Variants in NAV3 observed in about 807,000 individuals in gnomAD.
NAV3 encodes pore membrane and/or filament interacting like protein 1.
Under a neutral mutation model 244.7 loss-of-function variants are expected in NAV3, and 87 were observed. That is an observed-to-expected ratio of 0.36 (90% CI 0.30 to 0.42). The LOEUF is 0.42. Among genes scored for constraint, NAV3 ranks in the 20% least tolerant of loss-of-function variants. The pLI, the probability that NAV3 is intolerant of heterozygous loss-of-function variation, is 1.00. For missense variants in NAV3, 2,663 were observed against 2,893.3 expected (o/e 0.92, Z 1.83); for synonymous variants, 1,126 against 1,042.2 (o/e 1.08, Z -1.55).
At chr12:77,703,642 A>C (rs539999901) in intron 2 of NAV3, among the ~76,000 whole-genome samples, 2 of 152,256 alleles carry the variant, frequency 1.3e-5, no homozygotes, top group Admixed American at 6.5e-5. Context: ...TCACAAACAA[A>C]CTATGAGGGT....
chr12:78,079,276 AAGACTC>A (rs1953225678), intron 12 of NAV3, among the ~76,000 whole-genome samples: 1 of 152,196 alleles, frequency 6.6e-6, no homozygotes, highest in African/African-American at 2.4e-5. Flanking sequence ...TTTAGATATA[AAGACTC>A]AGATTTATAG....
chr12:77,998,512 A>T, intron 7 of NAV3, 36 bp downstream of exon 7: 2 of 1,567,320 alleles, frequency 1.3e-6, no homozygotes, highest in Non-Finnish European at 1.7e-6. Context: ...CACAAGTCCA[A>T]CATGAGTCTT....
chr12:77,708,997 C>T (rs1441959359), intron 2 of NAV3, among the ~76,000 whole-genome samples: 2 of 152,136 alleles, frequency 1.3e-5, no homozygotes, highest in East Asian at 3.9e-4. Context: ...ACAATCATGT[C>T]ATCTGCAAAC....
chr12:78,123,948 A>T (rs1163189445), intron 16 of NAV3, among the ~76,000 whole-genome samples: 1 of 152,222 alleles, frequency 6.6e-6, no homozygotes, highest in African/African-American at 2.4e-5. Context: ...TAATGAATGA[A>T]TTATATTAAA....
chr12:77,850,250 G>GA (rs1221898278), intron 1 of NAV3, among the ~76,000 whole-genome samples: 4 of 152,166 alleles, frequency 2.6e-5, no homozygotes, highest in Admixed American at 2.6e-4. Context: ...CGTAACTAGT[G>GA]AAATTCCTCT....
At chr12:77,660,780 A>G (rs931961880) in intron 2 of NAV3, among the ~76,000 whole-genome samples, 9 of 152,162 alleles carry the variant, frequency 5.9e-5, no homozygotes, top group African/African-American at 1.2e-4. Context: ...CCAACCAACC[A>G]TGGAACTAGC....
chr12:77,640,511 A>G (rs1179870271), intron 2 of NAV3, among the ~76,000 whole-genome samples: 1 of 152,132 alleles, frequency 6.6e-6, no homozygotes, highest in Non-Finnish European at 1.5e-5. Flanking sequence ...CATATAAGTG[A>G]TATCATACAG....
At chr12:77,649,619 T>C (rs1483680671) in intron 2 of NAV3, among the ~76,000 whole-genome samples, 1 of 152,196 alleles carries the variant, frequency 6.6e-6, no homozygotes, top group African/African-American at 2.4e-5. Flanking sequence ...ATGAAATTCA[T>C]GTTTACTGTA....
intron 1 of NAV3, among the ~76,000 whole-genome samples, chr12:77,838,706 C>T (rs1270014036): frequency 6.6e-6 from 1 of 152,032 alleles, no homozygotes; most frequent in Non-Finnish European, 1.5e-5. Context: ...TTTATGCTAT[C>T]AAATCACCAA....
At chr12:77,598,296 G>A (rs2136755355) in intron 2 of NAV3, among the ~76,000 whole-genome samples, 1 of 152,094 alleles carries the variant, frequency 6.6e-6, no homozygotes, top group Admixed American at 6.6e-5. Context: ...TTGTATGGAT[G>A]TATCCCAATC....
chr12:78,207,688 A>G (rs1439826405), intron 39 of NAV3, among the ~76,000 whole-genome samples: 1 of 152,180 alleles, frequency 6.6e-6, no homozygotes, highest in Non-Finnish European at 1.5e-5. Context: ...GAGTTTAGGG[A>G]ACTATACACC....
intron 3 of NAV3, among the ~76,000 whole-genome samples, chr12:77,950,027 A>C (rs970280728): frequency 6.6e-6 from 1 of 152,048 alleles, no homozygotes; most frequent in Non-Finnish European, 1.5e-5. Context: ...ATAGCATTCC[A>C]TTGTCTGAAT....
chr12:77,942,560 A>G (rs1473050744), intron 3 of NAV3, among the ~76,000 whole-genome samples: 1 of 152,126 alleles, frequency 6.6e-6, no homozygotes, highest in African/African-American at 2.4e-5. Flanking sequence ...TAATTACTCT[A>G]AGTGACTCTG....
At chr12:77,613,117 A>G (rs1014793329) in intron 2 of NAV3, among the ~76,000 whole-genome samples, 2 of 152,170 alleles carry the variant, frequency 1.3e-5, no homozygotes, top group African/African-American at 4.8e-5. Context: ...CAGCATGAGA[A>G]CGAAATGAAA....
At chr12:77,966,634 G>A (rs1018642434) in intron 4 of NAV3, among the ~76,000 whole-genome samples, 6 of 151,904 alleles carry the variant, frequency 3.9e-5, no homozygotes, top group African/African-American at 1.4e-4. Context: ...ATGTTGGATG[G>A]ACATAAATAC....
intron 1 of NAV3, among the ~76,000 whole-genome samples, chr12:77,844,729 A>G (rs1876323376): frequency 6.6e-6 from 1 of 152,172 alleles, no homozygotes; most frequent in South Asian, 2.1e-4. Flanking sequence ...ATACCTACAT[A>G]TGATACATGG....
intron 12 of NAV3, among the ~76,000 whole-genome samples, chr12:78,087,661 T>C (rs1953708195): frequency 6.6e-6 from 1 of 152,020 alleles, no homozygotes; most frequent in South Asian, 2.1e-4. Flanking sequence ...TCTCTAGAAA[T>C]AGTGGTTCAT....
At chr12:78,197,474 T>G in intron 35 of NAV3, 73 bp downstream of exon 35, 3 of 1,098,814 alleles carry the variant, frequency 2.7e-6, no homozygotes, top group Non-Finnish European at 3.8e-6. Flanking sequence ...TGTACCTGTA[T>G]GCATTTTTAA....
chr12:77,827,124 T>C (rs1335214635), upstream of NAV3, among the ~76,000 whole-genome samples: 2 of 151,428 alleles, frequency 1.3e-5, no homozygotes, highest in East Asian at 3.9e-4. Context: ...TCCCAGCTGC[T>C]TGGGAGGCTG....
Sources: gnomAD v4.1 joint callset for allele counts (sites outside exome capture counted in the v4.1 genomes callset) on GRCh38, gnomAD v4.1.1 for gene constraint, MANE v1.5 for transcripts, NCBI Gene and HGNC (gene_info 2026-07-23, HGNC 2026-07-21) for gene names.